Variants in KCNIP4 observed in about 807,000 individuals in gnomAD.
The protein encoded by KCNIP4 is potassium voltage-gated channel interacting protein 4.
A neutral mutation model predicts 34.0 loss-of-function variants in KCNIP4; 12 were observed. That is an observed-to-expected ratio of 0.35 (90% CI 0.23 to 0.57). The LOEUF is 0.57. Ranked by LOEUF, KCNIP4 falls within the 20% of genes least tolerant of loss-of-function variation. The pLI, the probability that KCNIP4 is intolerant of heterozygous loss-of-function variation, is 0.83. For missense variants in KCNIP4, 238 were observed against 311.7 expected (o/e 0.76, Z 1.78); for synonymous variants, 124 against 102.2 (o/e 1.21, Z -1.29).
chr4:21,086,989 CTT>C (rs559696005), intron 1 of KCNIP4, among the ~76,000 whole-genome samples: 15 of 126,794 alleles, frequency 1.2e-4, no homozygotes, highest in Admixed American at 3.3e-4. Context: ...CTCTTTCTTT[CTT>C]TTTTTTTTTT....
chr4:21,713,743 T>C (rs1713928633), intron 1 of KCNIP4, among the ~76,000 whole-genome samples: 1 of 152,176 alleles, frequency 6.6e-6, no homozygotes, highest in African/African-American at 2.4e-5. Flanking sequence ...CCAGCCTCTC[T>C]TCCTACATGC....
At position 21,263,835 on chromosome 4, in the gene KCNIP4, TC is replaced by T. The variant is rs535349016; in HGVS notation, c.62-381127del. 7.5e-3 allele frequency among the ~76,000 whole-genome samples: 1,146 copies of T among 152,144 alleles called. 7 individuals carry two copies. The highest frequency in any genetic ancestry group is 0.012 in the Non-Finnish European group (797 of 67,976). On this transcript the variant is annotated intron_variant, in intron 1 of 8. Transcript: ENST00000382152. ...CATGCCTGACTAATTAAATTTTTTT[TC>T]TTTTTTTGGTAGAGATGAGATTTCA...
At chr4:21,039,015 T>C (rs575290781) in intron 1 of KCNIP4, among the ~76,000 whole-genome samples, 12 of 152,182 alleles carry the variant, frequency 7.9e-5, no homozygotes, top group African/African-American at 2.2e-4. Flanking sequence ...CGGCACCAGA[T>C]TGAGAGTGAA....
chr4:21,374,009 G>C (rs904133991), intron 1 of KCNIP4, among the ~76,000 whole-genome samples: 3 of 147,316 alleles, frequency 2.0e-5, no homozygotes, highest in Non-Finnish European at 4.4e-5. Context: ...CCAGCCTAGG[G>C]TTTCTCATTT....
At chr4:20,780,992 G>A (rs1342610507) in intron 3 of KCNIP4, among the ~76,000 whole-genome samples, 1 of 152,150 alleles carries the variant, frequency 6.6e-6, no homozygotes, top group Non-Finnish European at 1.5e-5. Context: ...AGTTTCTCTG[G>A]ATGGTATTTC....
At chr4:21,794,910 A>T (rs181978527) in intron 1 of KCNIP4, among the ~76,000 whole-genome samples, 34 of 152,124 alleles carry the variant, frequency 2.2e-4, no homozygotes, top group Admixed American at 2.0e-3. Context: ...ACAAACAAAC[A>T]AATAAACAAA....
chr4:20,755,836 T>G (rs1467953163), intron 4 of KCNIP4, among the ~76,000 whole-genome samples: 1 of 152,020 alleles, frequency 6.6e-6, no homozygotes, highest in Non-Finnish European at 1.5e-5. Context: ...AGGAGCAGCA[T>G]CATGGCTGGT....
intron 1 of KCNIP4, among the ~76,000 whole-genome samples, chr4:21,356,545 A>G (rs1460762117): frequency 3.9e-5 from 6 of 152,198 alleles, no homozygotes; most frequent in Non-Finnish European, 5.9e-5. Flanking sequence ...GAGCCAAATC[A>G]TGAGTGAACT....
intron 1 of KCNIP4, among the ~76,000 whole-genome samples, chr4:21,805,675 A>G (rs1008616161): frequency 6.6e-6 from 1 of 152,112 alleles, no homozygotes; most frequent in Non-Finnish European, 1.5e-5. Context: ...CATCTGTAAT[A>G]TCTCTATACT....
chr4:21,712,681 T>C (rs1012572553), intron 1 of KCNIP4, among the ~76,000 whole-genome samples: 3 of 152,144 alleles, frequency 2.0e-5, no homozygotes, highest in African/African-American at 7.2e-5. Context: ...CACAGACTCA[T>C]TTCCATACAC....
chr4:21,234,467 T>TATATAGTACATATAACGTATAC (rs1560199562), intron 1 of KCNIP4, among the ~76,000 whole-genome samples: 9 of 114,824 alleles, frequency 7.8e-5, no homozygotes, highest in Admixed American at 4.9e-4. Flanking sequence ...ATAACGTATA[T>TATATAGTACATATAACGTATAC]AATATATAGT....
In KCNIP4 at chr4:21,424,560, G is replaced by C. The variant is rs575361756; in HGVS notation, c.61+524011C>G. On this transcript the variant is annotated intron_variant, in intron 1 of 8. Coordinates refer to ENST00000382152, the MANE Select transcript of KCNIP4 (RefSeq NM_025221.6). ...CACTCCAGCCTGGGTGACAGATCAA[G>C]ACTCTGTCTGAAAAAGAGGAAAGAA... is the stretch of plus-strand genomic sequence containing the variant. Among the ~76,000 whole-genome samples, 239 of 151,682 alleles carry C rather than the reference G, an allele frequency of 1.6e-3. 1 individual carries two copies. Among genetic ancestry groups the C allele is most frequent in the African/African-American group, 5.7e-3 (234 of 41,346 alleles).
intron 1 of KCNIP4, among the ~76,000 whole-genome samples, chr4:21,486,143 T>C (rs79608299): frequency 0.039 from 5,983 of 152,302 alleles, 146 homozygotes; most frequent in Non-Finnish European, 0.062. Flanking sequence ...TATTTACTTT[T>C]TTAAAAATGT....
chr4:21,561,125 T>A (rs1308540459), intron 1 of KCNIP4, among the ~76,000 whole-genome samples: 1 of 152,030 alleles, frequency 6.6e-6, no homozygotes, highest in Admixed American at 6.6e-5. Flanking sequence ...GGAGTCTGGA[T>A]TGCACACTTT....
intron 1 of KCNIP4, among the ~76,000 whole-genome samples, chr4:21,435,267 G>T (rs1247523534): frequency 2.0e-5 from 3 of 152,152 alleles, no homozygotes; most frequent in Non-Finnish European, 4.4e-5. Context: ...GTTTGAGGGG[G>T]TATAGTGGGT....
chr4:20,802,857 G>A (rs955099597), intron 3 of KCNIP4, among the ~76,000 whole-genome samples: 3 of 152,052 alleles, frequency 2.0e-5, no homozygotes, highest in Non-Finnish European at 4.4e-5. Context: ...GGCGGACCAC[G>A]AGGTCAGGAG....
At chr4:21,004,455 C>T (rs1738388809) in intron 1 of KCNIP4, among the ~76,000 whole-genome samples, 1 of 152,126 alleles carries the variant, frequency 6.6e-6, no homozygotes. Context: ...ATCCCTGCAC[C>T]ATCGCTGTCA....
chr4:21,226,683 T>G (rs1303785149), intron 1 of KCNIP4, among the ~76,000 whole-genome samples: 1 of 152,192 alleles, frequency 6.6e-6, no homozygotes, highest in African/African-American at 2.4e-5. Flanking sequence ...TGGATACTTT[T>G]TCCACAACAA....
chr4:21,207,186 T>C (rs1273160317), intron 1 of KCNIP4, among the ~76,000 whole-genome samples: 3 of 152,184 alleles, frequency 2.0e-5, no homozygotes, highest in East Asian at 1.9e-4. Flanking sequence ...AGGAGAAATA[T>C]TATATTTTTA....
Sources: gnomAD v4.1 joint callset for allele counts (sites outside exome capture counted in the v4.1 genomes callset) on GRCh38, gnomAD v4.1.1 for gene constraint, MANE v1.5 for transcripts, NCBI Gene and HGNC (gene_info 2026-07-23, HGNC 2026-07-21) for gene names.